ARHGAP26: variants seen among roughly 807,000 people sequenced by gnomAD.
ARHGAP26 encodes rho GTPase-activating protein 26.
A neutral mutation model predicts 104.8 loss-of-function variants in ARHGAP26; 38 were observed. That is an observed-to-expected ratio of 0.36 (90% CI 0.28 to 0.48). The LOEUF (loss-of-function observed/expected upper bound fraction) is 0.48, where lower values mean the gene tolerates loss of function less well. ARHGAP26 is among the 20% of genes least tolerant of loss of function. ARHGAP26 has a pLI of 0.99. For synonymous variants in ARHGAP26, 341 were observed against 340.0 expected, an observed-to-expected ratio of 1.00 and a Z score of -0.03; for missense variants, 704 against 947.9, an observed-to-expected ratio of 0.74 and a Z score of 3.38.
At chr5:143,166,346 C>T (rs1801944172) in intron 20 of ARHGAP26, among the ~76,000 whole-genome samples, 1 of 152,134 alleles carries the variant, frequency 6.6e-6, no homozygotes, top group Non-Finnish European at 1.5e-5. Context: ...CTGCTTAGGG[C>T]TTTGGGGTCC....
At chr5:143,094,858 CG>C (rs1272277897) in intron 17 of ARHGAP26, among the ~76,000 whole-genome samples, 1 of 151,694 alleles carries the variant, frequency 6.6e-6, no homozygotes, top group Non-Finnish European at 1.5e-5. Context: ...GGGAATGAGT[CG>C]GGGTGGAGCA....
intron 7 of ARHGAP26, among the ~76,000 whole-genome samples, chr5:142,902,730 A>G (rs114201339): frequency 0.011 from 1,736 of 152,334 alleles, 27 homozygotes; most frequent in African/African-American, 0.039. Flanking sequence ...GAGGTTACAT[A>G]GTAGTCAGTG....
intron 17 of ARHGAP26, among the ~76,000 whole-genome samples, chr5:143,112,930 A>G (rs1028178316): frequency 6.6e-6 from 1 of 152,242 alleles, no homozygotes; most frequent in Non-Finnish European, 1.5e-5. Flanking sequence ...TGGGTGTACA[A>G]ATACTTCTTT....
At chr5:143,170,994 A>G (rs1369682615) in intron 20 of ARHGAP26, among the ~76,000 whole-genome samples, 1 of 152,214 alleles carries the variant, frequency 6.6e-6, no homozygotes, top group Non-Finnish European at 1.5e-5. Context: ...ACCTAAAAAC[A>G]GAGGTCAGCG....
At chr5:142,863,525 T>G (rs1187804230) in intron 1 of ARHGAP26, among the ~76,000 whole-genome samples, 1 of 152,238 alleles carries the variant, frequency 6.6e-6, no homozygotes, top group African/African-American at 2.4e-5. Context: ...TTCTTTTCTA[T>G]TCTGTCTGCA....
At chr5:142,963,188 A>G (rs245856) in intron 11 of ARHGAP26, among the ~76,000 whole-genome samples, 33,297 of 109,686 alleles carry the variant, frequency 0.3, 5,534 homozygotes, top group East Asian at 0.68. Context: ...ATATATATAT[A>G]TATATATATA....
chr5:142,926,235 C>T (rs185894887), intron 10 of ARHGAP26, among the ~76,000 whole-genome samples: 1 of 152,172 alleles, frequency 6.6e-6, no homozygotes, highest in African/African-American at 2.4e-5. Flanking sequence ...TAGCAACTTG[C>T]CCTGTAATAG....
intron 20 of ARHGAP26, among the ~76,000 whole-genome samples, chr5:143,188,557 C>T (rs1470688372): frequency 6.6e-6 from 1 of 152,120 alleles, no homozygotes; most frequent in Admixed American, 6.5e-5. Context: ...ACCATTTTGT[C>T]ATGATAAGGC....
intron 1 of ARHGAP26, among the ~76,000 whole-genome samples, chr5:142,775,376 A>G (rs1452569658): frequency 1.3e-5 from 2 of 152,096 alleles, no homozygotes; most frequent in Non-Finnish European, 2.9e-5. Flanking sequence ...ATCTTTTCAT[A>G]TTGCTTTCTT....
chr5:143,057,202 A>T (rs1317287215), intron 16 of ARHGAP26, among the ~76,000 whole-genome samples: 1 of 152,174 alleles, frequency 6.6e-6, no homozygotes, highest in Non-Finnish European at 1.5e-5. Flanking sequence ...GATATCTTTG[A>T]TGCTGTCTCA....
At position 142,894,604 on chromosome 5, in the gene ARHGAP26, A is replaced by G. The variant is rs1198063912; in HGVS notation, c.597+256A>G. Among the ~76,000 whole-genome samples, 6 of 152,298 alleles carry G rather than the reference A, an allele frequency of 3.9e-5. No homozygotes were observed. The East Asian group carries it at 1.2e-3, about 29-fold the overall frequency. On this transcript the variant is annotated intron_variant, in intron 6 of 22. Coordinates refer to ENST00000645722, the MANE Select transcript of ARHGAP26 (RefSeq NM_001135608.3). The stretch of plus-strand genomic sequence containing the variant: ...CTCTGGCTACCCAATGATGTGCCAT[A>G]TGATTTTCAGGTGGACAGAGTGGAA...
intron 14 of ARHGAP26, among the ~76,000 whole-genome samples, chr5:143,045,763 C>T (rs1232444910): frequency 4.6e-5 from 7 of 152,062 alleles, no homozygotes; most frequent in African/African-American, 1.2e-4. Context: ...TTTGGGAGGC[C>T]GAGGCAGGTG....
At chr5:143,015,146 C>T (rs3756388) in intron 12 of ARHGAP26, among the ~76,000 whole-genome samples, 1 of 151,982 alleles carries the variant, frequency 6.6e-6, no homozygotes, top group Non-Finnish European at 1.5e-5. Context: ...AAATGTTCCC[C>T]TCCACCTCCA....
chr5:143,169,694 G>T (rs938178535), intron 20 of ARHGAP26: 2 of 152,262 alleles, frequency 1.3e-5, no homozygotes, highest in African/African-American at 4.8e-5. Context: ...CCTTGACTGG[G>T]TGGGAGGGGA....
intron 17 of ARHGAP26, among the ~76,000 whole-genome samples, chr5:143,108,317 G>C (rs1020584885): frequency 6.6e-6 from 1 of 152,168 alleles, no homozygotes; most frequent in African/African-American, 2.4e-5. Context: ...AATTTTCATG[G>C]ATGTTAGAGC....
At chr5:143,072,694 G>A (rs1037478675) in intron 17 of ARHGAP26, among the ~76,000 whole-genome samples, 2 of 152,152 alleles carry the variant, frequency 1.3e-5, no homozygotes, top group African/African-American at 2.4e-5. Context: ...AAAAAAGGTC[G>A]ATCTCATAGA....
At chr5:142,993,234 A>G (rs1287075965) in intron 11 of ARHGAP26, among the ~76,000 whole-genome samples, 2 of 148,636 alleles carry the variant, frequency 1.3e-5, no homozygotes, top group East Asian at 2.0e-4. Flanking sequence ...CAGTGGCGCA[A>G]TCTCGGCTCA....
intron 3 of ARHGAP26, 120 bp from the exon 4 acceptor site, chr5:142,879,254 A>G (rs1244563187): frequency 1.0e-5 from 9 of 888,274 alleles, no homozygotes; most frequent in Non-Finnish European, 1.7e-5. Context: ...GACATGTACA[A>G]CACTGCCTCC....
chr5:143,008,445 C>T lies in ARHGAP26; in HGVS notation c.1108-5635C>T, dbSNP rs369251054. Among the ~76,000 whole-genome samples, 500 of 152,236 alleles carry T rather than the reference C, an allele frequency of 3.3e-3. 2 individuals are homozygous for T. The highest frequency in any genetic ancestry group is 7.0e-3 in the South Asian group (34 of 4,824). ...TGATATTCGATGGTGTAGAACCAGC[C>T]TGTTGTTTTAAGATGTTGACACATT... On this transcript the variant is annotated intron_variant, in intron 11 of 22. Coordinates refer to ENST00000645722, the MANE Select transcript of ARHGAP26 (RefSeq NM_001135608.3).
Sources: allele counts gnomAD v4.1 joint callset (sites outside exome capture counted in the v4.1 genomes callset), GRCh38; gene constraint gnomAD v4.1.1; transcripts MANE v1.5; gene names NCBI Gene and HGNC (gene_info 2026-07-23, HGNC 2026-07-21).